TIAM1: variants seen among roughly 807,000 people sequenced by gnomAD.
TIAM1 encodes TIAM Rac1 associated GEF 1.
A neutral mutation model predicts 163.5 loss-of-function variants in TIAM1; 65 were observed. That is an observed-to-expected ratio of 0.40 (90% CI 0.33 to 0.49). TIAM1 has a LOEUF of 0.49. TIAM1 is among the 20% of genes least tolerant of loss of function. The pLI is 0.77. For missense variants in TIAM1, 1,789 were observed against 2,044.7 expected, an observed-to-expected ratio of 0.87 and a Z score of 2.41; for synonymous variants, 833 against 810.1, an observed-to-expected ratio of 1.03 and a Z score of -0.48.
chr21:31,408,613 C>T (rs895172317), intron 2 of TIAM1, among the ~76,000 whole-genome samples: 1 of 152,180 alleles, frequency 6.6e-6, no homozygotes, highest in Non-Finnish European at 1.5e-5. Flanking sequence ...TGGCTTAACC[C>T]TTCCCACAAC....
chr21:31,389,029 C>T lies in TIAM1; in HGVS notation c.-368-49607G>A, dbSNP rs77969735. On this transcript the variant is annotated intron_variant, in intron 2 of 28. Transcript: ENST00000286827. ...TCCTGGCCATAAGGTCTGTGTCACA[C>T]GCACTCAACTCCACCACTGGCACAT... is the stretch of plus-strand genomic sequence containing the variant. 6.4e-3 allele frequency among the ~76,000 whole-genome samples: 967 copies of T among 152,250 alleles called. 12 individuals are homozygous for T. Among genetic ancestry groups the T allele is most frequent in the African/African-American group, 0.022 (931 of 41,536 alleles).
At position 31,124,578 on chromosome 21, in the gene TIAM1, A is replaced by G; in HGVS notation, c.4250T>C (p.Phe1417Ser). The G allele has an allele frequency of 6.2e-7, 1 of 1,613,804 alleles. No individual in the cohort carries two copies. The highest frequency in any genetic ancestry group is 8.5e-7 in the Non-Finnish European group (1 of 1,179,922). The change falls in exon 27 of 28, where the codon TTT (phenylalanine) becomes TCT (serine). Residue 1417 changes from phenylalanine (F) to serine (S), a missense_variant. Coordinates refer to ENST00000541036, the MANE Select transcript of TIAM1 (RefSeq NM_001353694.2). ...CAGTGCACACAATCTTTTGCCTCCA[A>G]AAGGGACATATTGCTGGGATGAGGG... Reference protein sequence around the residue: ...SLPSSQQYVPFGGKRLCALKG... With the variant: ...SLPSSQQYVPSGGKRLCALKG...
At chr21:31,315,066 A>C (rs1377968015) in intron 2 of TIAM1, among the ~76,000 whole-genome samples, 1 of 152,178 alleles carries the variant, frequency 6.6e-6, no homozygotes, top group African/African-American at 2.4e-5. Context: ...TTTTGGTTAA[A>C]TATAAATAAA....
At chr21:31,326,944 G>C (rs1309188531) in intron 2 of TIAM1, among the ~76,000 whole-genome samples, 1 of 152,174 alleles carries the variant, frequency 6.6e-6, no homozygotes, top group African/African-American at 2.4e-5. Context: ...AGGCTAACAG[G>C]GTCATATGCC....
At chr21:31,457,638 T>C (rs1180190252) in intron 2 of TIAM1, among the ~76,000 whole-genome samples, 1 of 152,226 alleles carries the variant, frequency 6.6e-6, no homozygotes, top group Non-Finnish European at 1.5e-5. Context: ...AATAACATGC[T>C]ATGTTTCAAA....
At chr21:31,254,237 T>C (rs1244458106) in intron 4 of TIAM1, among the ~76,000 whole-genome samples, 3 of 152,234 alleles carry the variant, frequency 2.0e-5, no homozygotes, top group Non-Finnish European at 2.9e-5. Context: ...GGAAGGGACT[T>C]GGCAAAGCTA....
intron 1 of TIAM1, among the ~76,000 whole-genome samples, chr21:31,524,263 T>C (rs1347503961): frequency 2.0e-5 from 3 of 152,124 alleles, no homozygotes. Flanking sequence ...TTACTCATGG[T>C]GCAAGGTGAA....
chr21:31,203,566 T>C (rs941942372), intron 11 of TIAM1, among the ~76,000 whole-genome samples: 1 of 152,268 alleles, frequency 6.6e-6, no homozygotes, highest in Non-Finnish European at 1.5e-5. Flanking sequence ...TGGAAACAAC[T>C]GACTCACATC....
chr21:31,344,879 C>T (rs754085634), upstream of TIAM1, among the ~76,000 whole-genome samples: 1 of 152,226 alleles, frequency 6.6e-6, no homozygotes, highest in Non-Finnish European at 1.5e-5. Context: ...ATACATCCCT[C>T]TTTCCTTCCC....
At chr21:31,428,835 A>G (rs113801820) in intron 2 of TIAM1, among the ~76,000 whole-genome samples, 6,292 of 151,114 alleles carry the variant, frequency 0.042, 437 homozygotes, top group African/African-American at 0.14. Flanking sequence ...GTGAGCTGAG[A>G]TCACGCCACT....
intron 2 of TIAM1, among the ~76,000 whole-genome samples, chr21:31,422,009 C>T (rs1462278987): frequency 6.6e-6 from 1 of 151,946 alleles, no homozygotes. Context: ...AGATAGGTGA[C>T]AGAATGACCC....
chr21:31,338,730 C>G (rs2075929758), intron 2 of TIAM1, among the ~76,000 whole-genome samples: 1 of 152,146 alleles, frequency 6.6e-6, no homozygotes, highest in Non-Finnish European at 1.5e-5. Context: ...GTGAAAGCCC[C>G]AAGCCTGTCA....
At chr21:31,222,296 T>C (rs2087602048) in intron 8 of TIAM1, among the ~76,000 whole-genome samples, 1 of 152,160 alleles carries the variant, frequency 6.6e-6, no homozygotes, top group African/African-American at 2.4e-5. Context: ...TGTGCTAAGG[T>C]GCAGTACATT....
chr21:31,537,382 TG>T (rs982397805), intron 1 of TIAM1, among the ~76,000 whole-genome samples: 1 of 150,540 alleles, frequency 6.6e-6, no homozygotes, highest in East Asian at 1.9e-4. Context: ...TCTTTTTGGT[TG>T]GGGGGGATGC....
chr21:31,187,299 A>G (rs1475031276), intron 13 of TIAM1, among the ~76,000 whole-genome samples: 1 of 152,232 alleles, frequency 6.6e-6, no homozygotes, highest in African/African-American at 2.4e-5. Context: ...ATGTACGTCT[A>G]TCTTCATATT....
intron 2 of TIAM1, among the ~76,000 whole-genome samples, chr21:31,404,705 A>G (rs1280039687): frequency 6.6e-6 from 1 of 152,046 alleles, no homozygotes; most frequent in African/African-American, 2.4e-5. Context: ...CATTGTGCCA[A>G]TTTCAATTTC....
At chr21:31,262,885 T>G (rs939859469) in intron 4 of TIAM1, among the ~76,000 whole-genome samples, 3 of 152,118 alleles carry the variant, frequency 2.0e-5, no homozygotes, top group African/African-American at 4.8e-5. Context: ...GACTTTAATA[T>G]CTATGATTCA....
In TIAM1 at chr21:31,384,283, G is replaced by T. The variant is rs2076828716; in HGVS notation, c.-368-44861C>A. Among the ~76,000 whole-genome samples the T allele has an allele frequency of 2.0e-5, 3 of 149,992 alleles. 1 individual carries two copies. The South Asian group carries it at 6.3e-4, about 32-fold the overall frequency. On this transcript the variant is annotated intron_variant, in intron 2 of 28. Coordinates refer to the TIAM1 transcript ENST00000286827. Reference sequence around the variant, plus strand: ...ATCAAATGAAAAAAAAAATGTCAAAGATCAAGGGGGAAGATACCCAAATTA... The same window carrying T: ...ATCAAATGAAAAAAAAAATGTCAAATATCAAGGGGGAAGATACCCAAATTA...
At chr21:31,166,904 A>T (rs1434790787) in intron 15 of TIAM1, among the ~76,000 whole-genome samples, 1 of 152,136 alleles carries the variant, frequency 6.6e-6, no homozygotes, top group Non-Finnish European at 1.5e-5. Context: ...CGTCCGGAGC[A>T]GCCAGGAGGC....
Sources: allele counts gnomAD v4.1 joint callset (sites outside exome capture counted in the v4.1 genomes callset), GRCh38; gene constraint gnomAD v4.1.1; transcripts MANE v1.5; gene names NCBI Gene and HGNC (gene_info 2026-07-23, HGNC 2026-07-21).